The following EPRS1 variants were observed in gnomAD, a reference collection of about 807,000 sequenced individuals.
EPRS1 encodes bifunctional glutamate/proline--tRNA ligase.
EPRS1 carries 107 observed loss-of-function variants against 188.3 expected under a neutral mutation model. The ratio of observed to expected loss-of-function variants is 0.57; its 90% confidence interval spans 0.49 to 0.67. The LOEUF is 0.67. Ranked by LOEUF, EPRS1 falls within the 30% of genes least tolerant of loss-of-function variation. EPRS1 has a pLI of 0.00. For missense variants in EPRS1, 1,577 were observed against 1,802.2 expected (o/e 0.88, Z 2.26); for synonymous variants, 596 against 593.1 (o/e 1.00, Z -0.07).
intron 13 of EPRS1, among the ~76,000 whole-genome samples, chr1:220,008,727 G>C (rs1661544255): frequency 6.6e-6 from 1 of 152,164 alleles, no homozygotes; most frequent in Non-Finnish European, 1.5e-5. Flanking sequence ...GCTTTGATCA[G>C]TCACCCAGGC....
intron 5 of EPRS1, 99 bp from the exon 6 acceptor site, chr1:220,030,579 A>T: frequency 1.3e-6 from 1 of 782,284 alleles, no homozygotes; most frequent in Admixed American, 2.2e-5. Context: ...CACACTGGTT[A>T]TGAAAAATAT....
rs368077672 is a variant in EPRS1 at position 220,044,448 on chromosome 1, G to A, written c.46+1895C>T. ...TAACAAAAAATGTATCAGGAGGCTG[G>A]GCATGGTGGCTCACACCTGTGGTCC... On this transcript the variant is annotated intron_variant, in intron 1 of 31. Coordinates refer to ENST00000366923, the MANE Select transcript of EPRS1 (RefSeq NM_004446.3). Among the ~76,000 whole-genome samples, 28 of 152,202 alleles carry A rather than the reference G, an allele frequency of 1.8e-4. No homozygotes were observed. The East Asian group carries it at 3.3e-3, about 18-fold the overall frequency.
chr1:220,010,988 A>C lies in EPRS1; in HGVS notation c.1563T>G (p.Pro521=), dbSNP rs764669618. Residue 521 remains proline, a synonymous_variant, in exon 13 of 32, where the codon CCT becomes CCG. Coordinates refer to ENST00000366923, the MANE Select transcript of EPRS1 (RefSeq NM_004446.3). ...LKKEVIPVNV[P]EAQEEMKEVA... ...CTTCTTTCATCTCCTCCTGAGCTTC[A>C]GGTACATTCACTGGGATCACTTCTT... 6.2e-7 allele frequency: 1 copy of C among 1,613,512 alleles called. No homozygotes were observed. The highest frequency in any genetic ancestry group is 1.1e-5 in the South Asian group (1 of 91,060).
intron 2 of EPRS1, among the ~76,000 whole-genome samples, chr1:220,036,399 G>A (rs957170248): frequency 3.3e-5 from 5 of 151,826 alleles, no homozygotes; most frequent in Admixed American, 2.0e-4. Flanking sequence ...TCACTGCAGC[G>A]CTATTCACAA....
At chr1:219,974,748 C>T (rs7521388) in intron 28 of EPRS1, among the ~76,000 whole-genome samples, 70,067 of 151,896 alleles carry the variant, frequency 0.46, 16,251 homozygotes, top group South Asian at 0.53. Context: ...AGTTATTTAT[C>T]CAATGTATTA....
intron 6 of EPRS1, among the ~76,000 whole-genome samples, chr1:220,027,589 C>CAAAAAAAAAAAAA (rs374947643): frequency 1.3e-5 from 1 of 78,562 alleles, no homozygotes; most frequent in African/African-American, 5.1e-5. Flanking sequence ...GAGGCTATGT[C>CAAAAAAAAAAAAA]AAAAAAAAAA....
intron 12 of EPRS1, among the ~76,000 whole-genome samples, chr1:220,011,625 C>A (rs1365814231): frequency 6.6e-6 from 1 of 152,142 alleles, no homozygotes; most frequent in Admixed American, 6.6e-5. Flanking sequence ...TATATATAGA[C>A]CAGTATATTC....
chr1:219,984,623 A>G (rs1660968313), intron 20 of EPRS1, among the ~76,000 whole-genome samples: 1 of 152,090 alleles, frequency 6.6e-6, no homozygotes, highest in Admixed American at 6.5e-5. Context: ...GGGTCTCGCT[A>G]TGTTGCCCAG....
Position 220,022,452 on chromosome 1 carries a change from C to T in EPRS1, c.1010G>A (p.Cys337Tyr). Residue 337 changes from cysteine (C) to tyrosine (Y), a missense_variant, in exon 9 of 32, where the codon TGT becomes TAT. By Grantham distance (194) the Cys-to-Tyr change is radical. Transcript: ENST00000366923. ...KKGSQFGQSC[C>Y]LRAKIDMSSN... ...ACTCATGTCAATTTTTGCTCGCAAA[C>T]AACAGGACTGACCAAACTGGCTCCC... 6.2e-7 allele frequency: 1 copy of T among 1,614,132 alleles called. No homozygotes were observed. The highest frequency in any genetic ancestry group is 8.5e-7 in the Non-Finnish European group (1 of 1,179,994).
chr1:219,982,727 T>C (rs1040005715), intron 23 of EPRS1, 45 bp downstream of exon 23: 1 of 1,495,406 alleles, frequency 6.7e-7, no homozygotes, highest in Non-Finnish European at 9.3e-7. Flanking sequence ...AGGCTGTCTC[T>C]AACGTTCAGT....
chr1:219,988,716 C>T lies in EPRS1; in HGVS notation c.2649G>A (p.Ser883=), dbSNP rs759798331. Residue 883 remains serine, a synonymous_variant, in exon 19 of 32, where the codon TCG becomes TCA. Transcript: ENST00000366923. ...CAGAATTTCTGGTTGGGCTTGAATC[C>T]GAACTTTGAGATAATGGGGGCTGAC... is the stretch of plus-strand genomic sequence containing the variant. ...IPGQPPLSQS[S]DSSPTRNSEP... 42 of 1,613,692 alleles carry T rather than the reference C, an allele frequency of 2.6e-5. No homozygotes were observed. Among genetic ancestry groups the T allele is most frequent in the South Asian group, 2.1e-4 (19 of 91,064 alleles).
chr1:219,983,893 CA>C (rs397863625), intron 21 of EPRS1, among the ~76,000 whole-genome samples: 85,056 of 118,186 alleles, frequency 0.72, 28,454 homozygotes, highest in East Asian at 0.83. Context: ...ACTCCCGTCT[CA>C]AAAAAAAAAA....
intron 18 of EPRS1, 31 bp from the exon 19 acceptor site, chr1:219,988,854 A>C (rs761943551): frequency 7.1e-7 from 1 of 1,404,928 alleles, no homozygotes; most frequent in Non-Finnish European, 9.7e-7. Flanking sequence ...AGATATTTAT[A>C]AAACTTTGGA....
Position 219,996,893 on chromosome 1 carries a change from A to G in EPRS1, c.2541+90T>C, listed in dbSNP as rs1661245169. On this transcript the variant is annotated intron_variant, in intron 18 of 31. Transcript: ENST00000366923. ...TTGATTATTACATCAAAATATGAGC[A>G]GTCGATGTTTTATAAGAAGATGAGA... 11 of 1,285,246 alleles carry G rather than the reference A, an allele frequency of 8.6e-6. No homozygotes were observed. The South Asian group carries it at 1.6e-4, about 19-fold the overall frequency. 79.6% of individuals were successfully genotyped at this position (1,285,246 alleles called of 1,614,324 possible).
Position 220,007,281 on chromosome 1 carries a change from C to G in EPRS1, c.1663G>C (p.Ala555Pro), listed in dbSNP as rs1661507599. The G allele has an allele frequency of 6.2e-7, 1 of 1,613,752 alleles. No homozygotes were observed. The highest frequency in any genetic ancestry group is 1.3e-5 in the African/African-American group (1 of 74,930). Residue 555 changes from alanine (A) to proline (P), a missense_variant, in exon 14 of 32, where the codon GCT (alanine) becomes CCT (proline). Physicochemically the swap from Ala to Pro is conservative, Grantham distance 27. This residue lies in a region of EPRS1 where 1,278 missense variants were observed against 1,457.4 expected (regional missense o/e 0.88). Transcript: ENST00000366923. ...WYSPKVFIEG[A>P]DAETFSEGEM... ...CCCTCCGAAAAAGTCTCTGCATCAGCACCTTCAATGAAAACTTTGGGACTA... is the reference window on the plus strand; with the variant it reads ...CCCTCCGAAAAAGTCTCTGCATCAGGACCTTCAATGAAAACTTTGGGACTA...
intron 1 of EPRS1, 32 bp downstream of exon 1, chr1:220,046,311 A>AC (rs1662401585): frequency 6.2e-7 from 1 of 1,613,742 alleles, no homozygotes. Flanking sequence ...GGCTGATGCA[A>AC]CCCACACAGG....
intron 24 of EPRS1, 88 bp from the exon 25 acceptor site, chr1:219,980,945 G>C (rs1660884211): frequency 1.3e-5 from 11 of 827,918 alleles, no homozygotes; most frequent in Non-Finnish European, 2.2e-5. Context: ...TGTCCCCCAG[G>C]CTGGAGTGCA....
At chr1:220,002,205 G>A (rs771342820) in intron 16 of EPRS1, among the ~76,000 whole-genome samples, 19 of 151,712 alleles carry the variant, frequency 1.3e-4, no homozygotes, top group Admixed American at 3.3e-4. Flanking sequence ...GGTGGCGGGC[G>A]CCTGTAATCC....
At chr1:220,032,020 CT>C (rs907714260) in intron 5 of EPRS1, among the ~76,000 whole-genome samples, 29 of 151,692 alleles carry the variant, frequency 1.9e-4, no homozygotes, top group Non-Finnish European at 3.7e-4. Flanking sequence ...AGAAAATAAA[CT>C]TTATGAGTAG....
Sources: allele counts gnomAD v4.1 joint callset (sites outside exome capture counted in the v4.1 genomes callset), GRCh38; gene constraint gnomAD v4.1.1; regional missense constraint gnomAD v4.1.1; transcripts MANE v1.5; gene names NCBI Gene and HGNC (gene_info 2026-07-23, HGNC 2026-07-21).